The following GARIN2 variants were observed in gnomAD, a reference collection of about 807,000 sequenced individuals.
GARIN2 encodes Golgi-associated RAB2 interactor protein 2.
At chr14:67,220,329 G>A in the GARIN2 span, among the ~76,000 whole-genome samples, 3 of 152,136 alleles carry the variant, frequency 2.0e-5, no homozygotes, top group South Asian at 6.2e-4. Context: ...TGAGGTCCCA[G>A]TTACTCAGGA....
chr14:67,221,040 A>G, the GARIN2 span, among the ~76,000 whole-genome samples: 2 of 152,326 alleles, frequency 1.3e-5, no homozygotes, highest in Non-Finnish European at 2.9e-5. Flanking sequence ...TTTGGTGAAA[A>G]TTATGTGACT....
At chr14:67,204,984 C>T in the GARIN2 span, 167,480 of 1,575,274 alleles carry the variant, frequency 0.11, 17,154 homozygotes, top group East Asian at 0.41. Context: ...TCATAGAAGT[C>T]AGAGAAGCCA....
At chr14:67,221,807 G>C in the GARIN2 span, 1 of 1,613,066 alleles carries the variant, frequency 6.2e-7, no homozygotes, top group East Asian at 2.2e-5. Flanking sequence ...AAACACTTCA[G>C]GTATGGAACA....
chr14:67,224,945 TA>T, the GARIN2 span: 1 of 565,704 alleles, frequency 1.8e-6, no homozygotes, highest in Admixed American at 3.8e-5. Context: ...TTGCAAAGAA[TA>T]AATACATTTT....
At chr14:67,206,944 G>A in the GARIN2 span, among the ~76,000 whole-genome samples, 2 of 152,078 alleles carry the variant, frequency 1.3e-5, no homozygotes, top group Middle Eastern at 3.4e-3. Flanking sequence ...TGCCCAAGCT[G>A]GTCTCAAACT....
chr14:67,199,313 C>T, the GARIN2 span: 126 of 1,608,892 alleles, frequency 7.8e-5, no homozygotes, highest in Admixed American at 9.5e-4. Context: ...GAAGCCAATA[C>T]GGGTGAACAA....
chr14:67,205,223 A>ATCTCAC, the GARIN2 span: 4 of 864,400 alleles, frequency 4.6e-6, no homozygotes, highest in Non-Finnish European at 6.8e-6. Context: ...CCTAATTTTA[A>ATCTCAC]TAGTGAGATT....
the GARIN2 span, chr14:67,221,684 T>A: frequency 6.4e-7 from 1 of 1,551,042 alleles, no homozygotes; most frequent in East Asian, 2.4e-5. Flanking sequence ...ACAGAGCATT[T>A]AAAGAATGAC....
At chr14:67,200,541 ACTC>A in the GARIN2 span, 21 of 239,422 alleles carry the variant, frequency 8.8e-5, no homozygotes, top group South Asian at 1.6e-3. Flanking sequence ...ATAAAACTAA[ACTC>A]CTTGTTTAAA....
chr14:67,212,830 G>C, the GARIN2 span, among the ~76,000 whole-genome samples: 1 of 151,602 alleles, frequency 6.6e-6, no homozygotes, highest in Non-Finnish European at 1.5e-5. Context: ...CTTGAAATCA[G>C]AGTAGTTTGC....
At chr14:67,213,827 T>C in the GARIN2 span, among the ~76,000 whole-genome samples, 1 of 152,212 alleles carries the variant, frequency 6.6e-6, no homozygotes, top group African/African-American at 2.4e-5. Flanking sequence ...CCAGCACCTG[T>C]TGTTTCCTGA....
the GARIN2 span, among the ~76,000 whole-genome samples, chr14:67,202,744 A>C: frequency 6.6e-6 from 1 of 152,200 alleles, no homozygotes; most frequent in East Asian, 1.9e-4. Flanking sequence ...CCAAGACCTA[A>C]CTGTTACCAG....
chr14:67,215,284 C>T, the GARIN2 span, among the ~76,000 whole-genome samples: 1 of 152,066 alleles, frequency 6.6e-6, no homozygotes, highest in Non-Finnish European at 1.5e-5. Context: ...GGACTAGGAG[C>T]TCAAAAAGAT....
the GARIN2 span, among the ~76,000 whole-genome samples, chr14:67,210,216 G>A: frequency 6.6e-6 from 1 of 152,180 alleles, no homozygotes; most frequent in South Asian, 2.1e-4. Flanking sequence ...CTGGAAAAAT[G>A]GCTAACCAGG....
chr14:67,200,262 A>G, the GARIN2 span: 2 of 790,142 alleles, frequency 2.5e-6, no homozygotes, highest in Admixed American at 3.2e-5. Context: ...TCTCCCTCCA[A>G]CCAGGCCCAC....
chr14:67,208,759 C>T, the GARIN2 span, among the ~76,000 whole-genome samples: 9 of 151,726 alleles, frequency 5.9e-5, no homozygotes, highest in African/African-American at 1.5e-4. Flanking sequence ...TAGCCAGGCG[C>T]GGTGGCGGGC....
chr14:67,193,099 T>C, the GARIN2 span, among the ~76,000 whole-genome samples: 2 of 144,770 alleles, frequency 1.4e-5, no homozygotes, highest in South Asian at 4.5e-4. Context: ...TATCTCTATA[T>C]ATCTCTATAT....
At chr14:67,204,941 C>A in the GARIN2 span, 1 of 1,612,224 alleles carries the variant, frequency 6.2e-7, no homozygotes, top group South Asian at 1.1e-5. Flanking sequence ...AATGAGGTCC[C>A]AGAGGTCCCG....
the GARIN2 span, among the ~76,000 whole-genome samples, chr14:67,194,123 G>A: frequency 6.6e-6 from 1 of 151,960 alleles, no homozygotes; most frequent in African/African-American, 2.4e-5. Flanking sequence ...AGCACTTTGG[G>A]AGGCCGAGGT....
Sources: allele counts gnomAD v4.1 joint callset (sites outside exome capture counted in the v4.1 genomes callset), GRCh38; gene constraint gnomAD v4.1.1; transcripts MANE v1.5; gene names NCBI Gene and HGNC (gene_info 2026-07-23, HGNC 2026-07-21).